Variants in ENTREP2 observed in about 807,000 individuals in gnomAD.
ENTREP2 encodes protein ENTREP2.
the ENTREP2 span, among the ~76,000 whole-genome samples, chr15:29,540,237 ATG>A: frequency 6.6e-6 from 1 of 152,128 alleles, no homozygotes; most frequent in African/African-American, 2.4e-5. Context: ...TCCCATTTCT[ATG>A]TGTTAGGTAC....
chr15:29,261,349 G>A, the ENTREP2 span, among the ~76,000 whole-genome samples: 66 of 152,252 alleles, frequency 4.3e-4, no homozygotes, highest in East Asian at 0.013. Flanking sequence ...CTGCATTCTA[G>A]CCTGGGCAAC....
At chr15:29,136,237 C>A in the ENTREP2 span, 1 of 981,266 alleles carries the variant, frequency 1.0e-6, no homozygotes, top group Non-Finnish European at 1.4e-6. Context: ...CGGCACAGGG[C>A]GCTCATGAGT....
chr15:29,570,593 C>T, the ENTREP2 span: 1 of 1,464,316 alleles, frequency 6.8e-7, no homozygotes. Flanking sequence ...CACGATGAGG[C>T]ATCCGAGCGC....
the ENTREP2 span, among the ~76,000 whole-genome samples, chr15:29,390,071 C>T: frequency 2.0e-5 from 3 of 152,074 alleles, no homozygotes; most frequent in Non-Finnish European, 4.4e-5. Flanking sequence ...TGCTGGTGTG[C>T]CTCCTCCCTG....
the ENTREP2 span, among the ~76,000 whole-genome samples, chr15:29,295,763 C>T: frequency 6.6e-6 from 1 of 152,122 alleles, no homozygotes; most frequent in African/African-American, 2.4e-5. Flanking sequence ...GGAGTGTGGA[C>T]AGCCTGGAGA....
the ENTREP2 span, among the ~76,000 whole-genome samples, chr15:29,287,652 C>T: frequency 1.3e-5 from 2 of 152,180 alleles, no homozygotes; most frequent in African/African-American, 4.8e-5. Flanking sequence ...ATGTTCATAG[C>T]AGACATGCTA....
chr15:29,623,086 C>A, the ENTREP2 span, among the ~76,000 whole-genome samples: 2 of 152,192 alleles, frequency 1.3e-5, no homozygotes, highest in Non-Finnish European at 2.9e-5. Flanking sequence ...GTTAAATTAT[C>A]TTTGGACAAA....
chr15:29,134,729 C>T, the ENTREP2 span, among the ~76,000 whole-genome samples: 3 of 152,160 alleles, frequency 2.0e-5, no homozygotes, highest in African/African-American at 7.2e-5. Flanking sequence ...GGAAACTGCT[C>T]CTCCACCCAC....
the ENTREP2 span, among the ~76,000 whole-genome samples, chr15:29,643,936 G>A: frequency 6.6e-6 from 1 of 152,080 alleles, no homozygotes; most frequent in Admixed American, 6.6e-5. Flanking sequence ...CCATTTGTAG[G>A]CGTATACTGA....
At chr15:29,604,028 GA>G in the ENTREP2 span, among the ~76,000 whole-genome samples, 3 of 151,960 alleles carry the variant, frequency 2.0e-5, no homozygotes, top group East Asian at 5.8e-4. Context: ...GAATTTAGAT[GA>G]AAAAAAGAGG....
chr15:29,378,795 A>G, the ENTREP2 span, among the ~76,000 whole-genome samples: 121 of 152,340 alleles, frequency 7.9e-4, no homozygotes, highest in African/African-American at 2.8e-3. Flanking sequence ...ACATCTGTGT[A>G]TGCGTGTGTA....
At chr15:29,317,660 T>C in the ENTREP2 span, among the ~76,000 whole-genome samples, 1 of 152,188 alleles carries the variant, frequency 6.6e-6, no homozygotes, top group African/African-American at 2.4e-5. Flanking sequence ...ACTCCAATAA[T>C]GTTTCTATAT....
chr15:29,623,151 G>C, the ENTREP2 span, among the ~76,000 whole-genome samples: 1 of 152,166 alleles, frequency 6.6e-6, no homozygotes, highest in Non-Finnish European at 1.5e-5. Context: ...ACAATAAAAA[G>C]AGTGGATCAA....
chr15:29,204,123 G>A, the ENTREP2 span, among the ~76,000 whole-genome samples: 1 of 152,172 alleles, frequency 6.6e-6, no homozygotes, highest in Non-Finnish European at 1.5e-5. Flanking sequence ...TGGGTGTGCA[G>A]GCGGCTGACA....
At chr15:29,420,209 G>A in the ENTREP2 span, among the ~76,000 whole-genome samples, 5 of 152,166 alleles carry the variant, frequency 3.3e-5, no homozygotes, top group African/African-American at 1.2e-4. Context: ...GGATTTGGGG[G>A]CTAATCAAGG....
At chr15:29,132,324 T>C in the ENTREP2 span, among the ~76,000 whole-genome samples, 2 of 152,126 alleles carry the variant, frequency 1.3e-5, no homozygotes, top group East Asian at 3.9e-4. Flanking sequence ...ATGGGTTTCT[T>C]TGACTTCCAG....
At chr15:29,570,881 G>A in the ENTREP2 span, among the ~76,000 whole-genome samples, 1 of 144,744 alleles carries the variant, frequency 6.9e-6, no homozygotes, top group Admixed American at 6.8e-5. Flanking sequence ...AGCGGGCCGG[G>A]CCGGGCGGGG....
chr15:29,560,526 A>G, the ENTREP2 span, among the ~76,000 whole-genome samples: 50 of 152,150 alleles, frequency 3.3e-4, 1 homozygote, highest in East Asian at 5.8e-3. Flanking sequence ...TGCTGTGTCC[A>G]CTGCCAGGGT....
At chr15:29,178,293 T>TAAA in the ENTREP2 span, among the ~76,000 whole-genome samples, 3 of 111,374 alleles carry the variant, frequency 2.7e-5, no homozygotes, top group African/African-American at 1.0e-4. Flanking sequence ...GAACCTGTCT[T>TAAA]AAAAAAAAAA....
Sources: gnomAD v4.1 joint callset for allele counts (sites outside exome capture counted in the v4.1 genomes callset) on GRCh38, gnomAD v4.1.1 for gene constraint, MANE v1.5 for transcripts, NCBI Gene and HGNC (gene_info 2026-07-23, HGNC 2026-07-21) for gene names.